The following GPR160 variants were observed in gnomAD, a reference collection of about 807,000 sequenced individuals.
GPR160 encodes the protein G protein-coupled receptor 160.
GPR160 carries 2 observed loss-of-function variants against 2.6 expected under a neutral mutation model. The observed-to-expected ratio is 0.77, with a 90% CI of 0.32 to 2.44. GPR160 has a LOEUF of 2.44. GPR160 is among the 30% of genes most tolerant of loss of function. GPR160 has a pLI of 0.11. For synonymous variants in GPR160, 130 were observed against 132.2 expected (o/e 0.98, Z 0.12); for missense variants, 351 against 383.6 (o/e 0.91, Z 0.71).
chr3:170,077,656 A>G (rs1712923620), intron 2 of GPR160: 1 of 152,230 alleles, frequency 6.6e-6, no homozygotes, highest in Non-Finnish European at 1.5e-5. Context: ...GAAGAACAAT[A>G]ATGTTAATTA....
At chr3:170,043,098 G>A (rs1716535103) in intron 2 of GPR160, among the ~76,000 whole-genome samples, 1 of 151,874 alleles carries the variant, frequency 6.6e-6, no homozygotes, top group Non-Finnish European at 1.5e-5. Flanking sequence ...AGCCAGGATG[G>A]TCTCGATCTA....
intron 3 of GPR160, among the ~76,000 whole-genome samples, chr3:170,083,047 A>ATAAGT (rs1280004845): frequency 6.6e-6 from 1 of 151,764 alleles, no homozygotes; most frequent in Non-Finnish European, 1.5e-5. Context: ...TATTGTAGAA[A>ATAAGT]TAAGTTAAGT....
At chr3:170,054,964 TTG>T (rs922569421) in intron 2 of GPR160, among the ~76,000 whole-genome samples, 9 of 152,252 alleles carry the variant, frequency 5.9e-5, no homozygotes, top group Admixed American at 5.2e-4. Context: ...CAGCTACTTT[TTG>T]TATTTTTAGT....
rs896609745 is a variant in GPR160 at position 170,041,364 on chromosome 3, T to G, written c.-193+2321T>G. ...TCACCCAGGCTGGAGTGCAGTGGCG[T>G]GATCTCGGCTCACTGCAAGCTCCAC... is the stretch of plus-strand genomic sequence containing the variant. On this transcript the variant is annotated intron_variant, in intron 2 of 3. Coordinates refer to ENST00000355897, the MANE Select transcript of GPR160 (RefSeq NM_014373.3). 2.7e-5 allele frequency among the ~76,000 whole-genome samples: 4 copies of G among 147,034 alleles called. No individual in the cohort carries two copies. In the South Asian group the frequency reaches 6.4e-4, roughly 24 times the overall value.
At position 170,051,436 on chromosome 3, in the gene GPR160, G is replaced by A. The variant is rs116354127; in HGVS notation, c.-193+12393G>A. The stretch of plus-strand genomic sequence containing the variant: ...GATGCAAATTCTTTATCAAATATAT[G>A]GTTTGGGGCTGGGTGCAGTGGCTCA... On this transcript the variant is annotated intron_variant, in intron 2 of 3. Transcript: ENST00000355897. Among the ~76,000 whole-genome samples the A allele has an allele frequency of 7.3e-3, 1,111 of 152,212 alleles. 18 individuals are homozygous for A. The highest frequency in any genetic ancestry group is 0.026 in the African/African-American group (1,065 of 41,528).
At chr3:170,071,499 A>C (rs575194679) in intron 2 of GPR160, among the ~76,000 whole-genome samples, 59 of 152,144 alleles carry the variant, frequency 3.9e-4, no homozygotes, top group Non-Finnish European at 4.1e-4. Context: ...GAGCCCAATA[A>C]ACCTCTTTAT....
intron 2 of GPR160, among the ~76,000 whole-genome samples, chr3:170,064,770 G>T (rs184581640): frequency 6.6e-6 from 1 of 151,846 alleles, no homozygotes; most frequent in Non-Finnish European, 1.5e-5. Context: ...CGCCCGCCTC[G>T]GCCTTCCAAA....
intron 2 of GPR160, among the ~76,000 whole-genome samples, chr3:170,071,857 A>C (rs1273611005): frequency 6.6e-6 from 1 of 152,138 alleles, no homozygotes; most frequent in African/African-American, 2.4e-5. Flanking sequence ...GTATAGCAAC[A>C]GAAGAATGGC....
intron 2 of GPR160, among the ~76,000 whole-genome samples, chr3:170,067,010 CTTAA>C (rs1420663869): frequency 1.3e-5 from 2 of 152,066 alleles, no homozygotes; most frequent in African/African-American, 4.8e-5. Context: ...TTTTATACTT[CTTAA>C]TTAATTTTTT....
At chr3:170,079,314 T>C (rs1308231801) in intron 2 of GPR160, among the ~76,000 whole-genome samples, 1 of 152,248 alleles carries the variant, frequency 6.6e-6, no homozygotes, top group East Asian at 1.9e-4. Flanking sequence ...AGCTGTCTGC[T>C]ATTAAGCCAG....
rs747932437 is a variant in GPR160, at chr3:170,084,969, A to C, written c.997A>C (p.Ile333Leu). The change falls in exon 4 of 4, where the codon ATA becomes CTA. Residue 333 changes from isoleucine (I) to leucine (L), a missense_variant. Physicochemically the swap from Ile to Leu is conservative, Grantham distance 5 (BLOSUM62 2). Coordinates refer to ENST00000355897, the MANE Select transcript of GPR160 (RefSeq NM_014373.3). ...IPNLEQIEKP[I>L]SIMIC ...TAATCTTGAGCAAATTGAAAAGCCT[A>C]TATCAATAATGATTTGTTAATATTA... 2.0e-6 allele frequency: 3 copies of C among 1,525,424 alleles called. No homozygotes were observed. The highest frequency in any genetic ancestry group is 2.7e-6 in the Non-Finnish European group (3 of 1,128,318). 94.5% of individuals were successfully genotyped at this position (1,525,424 alleles called of 1,614,324 possible).
chr3:170,084,636 T>C lies in GPR160; in HGVS notation c.664T>C (p.Leu222=). ...AACTTCCTATATGAATGAAACTATC[T>C]TATATTTTCCTTTTTCATCCCACTC... is the stretch of plus-strand genomic sequence containing the variant. ...RITSYMNETI[L]YFPFSSHSSY... Residue 222 remains leucine (L), a synonymous_variant, in exon 4 of 4, where the codon TTA becomes CTA. Transcript: ENST00000355897. 6.2e-7 allele frequency: 1 copy of C among 1,609,422 alleles called. No homozygotes were observed. The highest frequency in any genetic ancestry group is 1.1e-5 in the South Asian group (1 of 90,964).
chr3:170,084,397 C>T lies in GPR160; in HGVS notation c.425C>T (p.Thr142Ile). ...FKCQKLFYFF[T>I]VILIWISVLA... ...TGTCAAAAATTATTTTATTTCTTTA[C>T]AGTAATTTTAATTTGGATTTCAGTC... The change falls in exon 4 of 4, where the codon ACA becomes ATA. Residue 142 changes from threonine to isoleucine, a missense_variant. Physicochemically the swap from Thr to Ile is moderately conservative, Grantham distance 89. Transcript: ENST00000355897. The T allele has an allele frequency of 6.2e-7, 1 of 1,604,140 alleles. No homozygotes were observed. Among genetic ancestry groups the T allele is most frequent in the East Asian group, 2.2e-5 (1 of 44,790 alleles).
intron 2 of GPR160, among the ~76,000 whole-genome samples, chr3:170,063,552 CAAAAAAAAAAA>C (rs528295183): frequency 5.1e-5 from 4 of 78,926 alleles, no homozygotes; most frequent in South Asian, 5.0e-4. Context: ...ACAAAAAAAG[CAAAAAAAAAAA>C]AAAAAAAAAA....
Position 170,078,963 on chromosome 3 carries a change from G to A in GPR160, c.-192-811G>A, listed in dbSNP as rs567757004. 5.9e-5 allele frequency among the ~76,000 whole-genome samples: 9 copies of A among 152,350 alleles called. No individual in the cohort carries two copies. In the South Asian group the frequency reaches 1.9e-3, roughly 32 times the overall value. On this transcript the variant is annotated intron_variant, in intron 2 of 3. Coordinates refer to ENST00000355897, the MANE Select transcript of GPR160 (RefSeq NM_014373.3). The stretch of plus-strand genomic sequence containing the variant: ...TGTTTTCTGACCTTGAAGAGGGCAA[G>A]GAGTAGGTACAAGGACGTGTAGGGG...
chr3:170,051,989 A>G (rs1039027633), intron 2 of GPR160, among the ~76,000 whole-genome samples: 1 of 152,046 alleles, frequency 6.6e-6, no homozygotes, highest in Non-Finnish European at 1.5e-5. Context: ...GCAGTGGCGC[A>G]TTCTCGGCTC....
chr3:170,084,835 T>TA lies in GPR160; in HGVS notation c.863_864insA (p.Ala289CysfsTer7). On this transcript the variant is annotated frameshift_variant, in exon 4 of 4. Transcript: ENST00000355897. LOFTEE classifies it high-confidence loss of function. ...TTATACTTTGTCAATAGTTTTCTCA[T>TA]TGCTACAGTGTATTGGTTTAATTGT... The TA allele has an allele frequency of 6.2e-7, 1 of 1,610,280 alleles. No homozygotes were observed. The highest frequency in any genetic ancestry group is 8.5e-7 in the Non-Finnish European group (1 of 1,176,884).
intron 2 of GPR160, among the ~76,000 whole-genome samples, chr3:170,064,517 T>TTC (rs1275193408): frequency 4.1e-4 from 51 of 125,256 alleles, no homozygotes; most frequent in South Asian, 1.8e-3. Flanking sequence ...TTCTTTTCTT[T>TTC]TTTTTTTTTT....
intron 2 of GPR160, among the ~76,000 whole-genome samples, chr3:170,072,948 A>G (rs1387208466): frequency 2.0e-5 from 3 of 152,154 alleles, no homozygotes; most frequent in Non-Finnish European, 4.4e-5. Context: ...TTAGGAGGCC[A>G]AGGCAGGAGG....
Sources: allele counts gnomAD v4.1 joint callset (sites outside exome capture counted in the v4.1 genomes callset), GRCh38; gene constraint gnomAD v4.1.1; transcripts MANE v1.5; gene names NCBI Gene and HGNC (gene_info 2026-07-23, HGNC 2026-07-21).